The following SLC17A8 variants were observed in gnomAD, a reference collection of about 807,000 sequenced individuals.
SLC17A8 encodes solute carrier family 17 member 8, also known as vesicular glutamate transporter 3.
A neutral mutation model predicts 58.0 loss-of-function variants in SLC17A8; 31 were observed. The ratio of observed to expected loss-of-function variants is 0.53; its 90% CI spans 0.40 to 0.72. The LOEUF is 0.72. SLC17A8 is among the 30% of genes least tolerant of loss of function. The pLI is 0.00. For missense variants in SLC17A8, 655 were observed against 727.8 expected (o/e 0.90, Z 1.15); for synonymous variants, 228 against 249.0 (o/e 0.92, Z 0.79).
At position 100,380,890 on chromosome 12, in the gene SLC17A8, A is replaced by T; in HGVS notation, c.291A>T (p.Gly97=). 2 of 1,614,096 alleles carry T rather than the reference A, an allele frequency of 1.2e-6. No individual in the cohort carries two copies. The highest frequency in any genetic ancestry group is 1.7e-6 in the Non-Finnish European group (2 of 1,180,034). The change falls in exon 2 of 12, where the codon GGA becomes GGT. Residue 97 remains glycine (G), a synonymous_variant. Coordinates refer to ENST00000323346, the MANE Select transcript of SLC17A8 (RefSeq NM_139319.3). ...CCTTTGGGATCCGGTGCAATCTTGGAGTTGCCATTGTGGAAATGGTCAACA... is the reference window on the plus strand; with the variant it reads ...CCTTTGGGATCCGGTGCAATCTTGGTGTTGCCATTGTGGAAATGGTCAACA... ...CISFGIRCNL[G]VAIVEMVNNS...
intron 1 of SLC17A8, among the ~76,000 whole-genome samples, chr12:100,372,635 A>G (rs1952566123): frequency 6.6e-6 from 1 of 152,230 alleles, no homozygotes; most frequent in Non-Finnish European, 1.5e-5. Context: ...ATTTGGTGGT[A>G]CTGGGGGTTA....
At chr12:100,413,987 T>A (rs1210281755) in intron 10 of SLC17A8, among the ~76,000 whole-genome samples, 1 of 151,772 alleles carries the variant, frequency 6.6e-6, no homozygotes, top group Non-Finnish European at 1.5e-5. Context: ...AAGAAAAAAA[T>A]AAATAAATAA....
chr12:100,402,800 G>A (rs1240302593), intron 8 of SLC17A8, 55 bp downstream of exon 8: 1 of 1,515,222 alleles, frequency 6.6e-7, no homozygotes, highest in Non-Finnish European at 9.1e-7. Flanking sequence ...TGATTCTACA[G>A]AGAATAACTT....
At chr12:100,372,596 C>A (rs1566388057) in intron 1 of SLC17A8, among the ~76,000 whole-genome samples, 1 of 152,206 alleles carries the variant, frequency 6.6e-6, no homozygotes, top group Non-Finnish European at 1.5e-5. Flanking sequence ...TAATTACGTC[C>A]TTAAGCACCT....
intron 3 of SLC17A8, 38 bp downstream of exon 3, chr12:100,391,157 A>C (rs1377154907): frequency 7.1e-7 from 1 of 1,408,194 alleles, no homozygotes; most frequent in Non-Finnish European, 1.0e-6. Flanking sequence ...AAACCAATGA[A>C]ATGTGGCTTT....
Position 100,420,626 on chromosome 12 carries a change from C to T in SLC17A8, c.*467C>T, listed in dbSNP as rs1263038325. On this transcript the variant is annotated 3_prime_UTR_variant, in exon 12 of 12. Transcript: ENST00000323346. ...TAAACACTCTTATTTAATCTCCACACCTTTATGACACACATTTCTTATCCC... is the reference window on the plus strand; with the variant it reads ...TAAACACTCTTATTTAATCTCCACATCTTTATGACACACATTTCTTATCCC... The T allele has an allele frequency of 6.1e-6, 1 of 163,912 alleles. No homozygotes were observed. Among genetic ancestry groups the T allele is most frequent in the Non-Finnish European group, 1.4e-5 (1 of 73,928 alleles). 10.2% of individuals were successfully genotyped at this position (163,912 alleles called of 1,614,324 possible).
At chr12:100,393,239 C>T in intron 3 of SLC17A8, 130 bp from the exon 4 acceptor site, 2 of 663,292 alleles carry the variant, frequency 3.0e-6, no homozygotes, top group South Asian at 1.5e-5. Flanking sequence ...GCTGGGATTA[C>T]AGGTACGATC....
Position 100,391,058 on chromosome 12 carries a change from TG to T in SLC17A8, c.416del (p.Gly139AlafsTer4). ...GGGCCTTATCCATGGATCTTTTTTC[TG>T]GGGCTATATTATGACACAAATTCCA... ...TVGLIHGSFF[W>X]GYIMTQIPGG... is the part of the protein sequence containing the mutation. On this transcript the variant is annotated frameshift_variant, in exon 3 of 12. Transcript: ENST00000323346. LOFTEE classifies it high-confidence loss of function. The T allele has an allele frequency of 1.9e-6, 3 of 1,614,084 alleles. No homozygotes were observed. Among genetic ancestry groups the T allele is most frequent in the Non-Finnish European group, 1.7e-6 (2 of 1,179,950 alleles).
At chr12:100,408,479 C>T (rs1449027781) in intron 9 of SLC17A8, among the ~76,000 whole-genome samples, 1 of 152,234 alleles carries the variant, frequency 6.6e-6, no homozygotes, top group East Asian at 1.9e-4. Flanking sequence ...TTTTTCTTGT[C>T]AACTCTAAAT....
intron 10 of SLC17A8, 81 bp from the exon 11 acceptor site, chr12:100,417,948 G>T: frequency 6.4e-7 from 1 of 1,574,630 alleles, no homozygotes; most frequent in Non-Finnish European, 8.7e-7. Context: ...ATTGGTAAAG[G>T]CTGGGGCAAC....
At chr12:100,408,733 A>G (rs2136011153) in intron 9 of SLC17A8, among the ~76,000 whole-genome samples, 1 of 152,284 alleles carries the variant, frequency 6.6e-6, no homozygotes, top group Non-Finnish European at 1.5e-5. Context: ...CTTTGGGGGA[A>G]TTGACTTTCT....
intron 11 of SLC17A8, 114 bp from the exon 12 acceptor site, chr12:100,419,701 A>T: frequency 9.9e-7 from 1 of 1,007,100 alleles, no homozygotes; most frequent in Non-Finnish European, 1.5e-6. Context: ...AGGAGCCTCT[A>T]GAGCATCACC....
At chr12:100,378,050 G>C (rs563924763) in intron 1 of SLC17A8, among the ~76,000 whole-genome samples, 1 of 152,270 alleles carries the variant, frequency 6.6e-6, no homozygotes, top group Non-Finnish European at 1.5e-5. Context: ...GATAAGTCTA[G>C]TTATAAAGAT....
At chr12:100,363,463 G>A (rs997101817) in intron 1 of SLC17A8, among the ~76,000 whole-genome samples, 3 of 152,086 alleles carry the variant, frequency 2.0e-5, no homozygotes, top group Admixed American at 2.0e-4. Context: ...TGCCTCCTGG[G>A]TTCAAGCAAT....
At chr12:100,387,198 G>A (rs7139003) in intron 2 of SLC17A8, among the ~76,000 whole-genome samples, 6,080 of 152,194 alleles carry the variant, frequency 0.04, 188 homozygotes, top group African/African-American at 0.082. Context: ...TTTCCATGGT[G>A]GCTGCACCCA....
At chr12:100,360,097 G>T (rs77369664) in intron 1 of SLC17A8, among the ~76,000 whole-genome samples, 1 of 152,210 alleles carries the variant, frequency 6.6e-6, no homozygotes, top group Non-Finnish European at 1.5e-5. Context: ...CTTGATTACA[G>T]TCAGGCATGA....
intron 2 of SLC17A8, among the ~76,000 whole-genome samples, chr12:100,386,596 T>C (rs935979453): frequency 5.9e-5 from 9 of 152,208 alleles, no homozygotes; most frequent in African/African-American, 2.2e-4. Flanking sequence ...TCACTGAGTG[T>C]AATGTCCTCC....
chr12:100,399,783 A>G (rs1355247355), intron 5 of SLC17A8, among the ~76,000 whole-genome samples: 1 of 152,194 alleles, frequency 6.6e-6, no homozygotes, highest in East Asian at 1.9e-4. Context: ...GAGCCAAGCC[A>G]TATCACATTG....
intron 2 of SLC17A8, among the ~76,000 whole-genome samples, 189 bp downstream of exon 2, chr12:100,381,142 TCAG>T (rs1952634766): frequency 6.6e-6 from 1 of 151,496 alleles, no homozygotes; most frequent in South Asian, 2.1e-4. Context: ...TCTCAGCATC[TCAG>T]CATCTCAGCA....
Sources: gnomAD v4.1 joint callset for allele counts (sites outside exome capture counted in the v4.1 genomes callset) on GRCh38, gnomAD v4.1.1 for gene constraint, MANE v1.5 for transcripts, NCBI Gene and HGNC (gene_info 2026-07-23, HGNC 2026-07-21) for gene names.